Variants in CDKN3 observed in about 807,000 individuals in gnomAD.
The protein encoded by CDKN3 is cyclin dependent kinase inhibitor 3.
Under a neutral mutation model 36.1 loss-of-function variants are expected in CDKN3, and 19 were observed. The ratio of observed to expected loss-of-function variants is 0.53; its 90% CI spans 0.37 to 0.77. The LOEUF is 0.77. CDKN3 is among the 30% of genes least tolerant of loss of function. The pLI, the probability that CDKN3 is intolerant of heterozygous loss-of-function variation, is 0.00. For missense variants in CDKN3, 188 were observed against 248.6 expected, an observed-to-expected ratio of 0.76 and a Z score of 1.64; for synonymous variants, 71 against 85.3, an observed-to-expected ratio of 0.83 and a Z score of 0.92.
chr14:54,397,008 C>A lies in CDKN3; in HGVS notation c.-61C>A. ...GCGGGGCGCGGGCTCGGCCGGGGCA[C>A]CGGTGAGTCGCCGGCGCTGCAGAGG... On this transcript the variant is annotated 5_prime_UTR_variant, in exon 1 of 8. Transcript: ENST00000335183. 1 of 1,433,494 alleles carries A rather than the reference C, an allele frequency of 7.0e-7. No homozygotes were observed. 88.8% of individuals were successfully genotyped at this position (1,433,494 alleles called of 1,614,324 possible).
At chr14:54,399,586 G>A (rs1481928155) in intron 1 of CDKN3, among the ~76,000 whole-genome samples, 1 of 152,198 alleles carries the variant, frequency 6.6e-6, no homozygotes, top group East Asian at 1.9e-4. Flanking sequence ...TATAGTTGAG[G>A]AAAATCGAGA....
intron 3 of CDKN3, among the ~76,000 whole-genome samples, 179 bp downstream of exon 3, chr14:54,401,758 G>C (rs923534832): frequency 1.3e-5 from 2 of 152,136 alleles, no homozygotes; most frequent in African/African-American, 4.8e-5. Flanking sequence ...CCAATGTGAA[G>C]TCTTTTATCC....
chr14:54,399,461 GTC>G (rs1398200251), intron 1 of CDKN3, among the ~76,000 whole-genome samples: 1 of 152,112 alleles, frequency 6.6e-6, no homozygotes, highest in Non-Finnish European at 1.5e-5. Flanking sequence ...GCACACATCT[GTC>G]TCTCCAGCCA....
intron 5 of CDKN3, among the ~76,000 whole-genome samples, chr14:54,414,979 A>C (rs1425015239): frequency 6.6e-6 from 1 of 152,040 alleles, no homozygotes; most frequent in East Asian, 1.9e-4. Flanking sequence ...CTAAAGCAAA[A>C]TATATATCTA....
intron 5 of CDKN3, 23 bp from the exon 6 acceptor site, chr14:54,415,876 T>C (rs924132316): frequency 1.3e-6 from 2 of 1,584,708 alleles, no homozygotes; most frequent in Middle Eastern, 1.7e-4. Flanking sequence ...TGTACAAACT[T>C]CAAAACTGTA....
chr14:54,398,518 A>G (rs1048537482), intron 1 of CDKN3, among the ~76,000 whole-genome samples: 11 of 152,252 alleles, frequency 7.2e-5, no homozygotes, highest in African/African-American at 2.7e-4. Context: ...TTCTGGGGTG[A>G]ACAAGGGGCA....
rs2030353829 is a variant in CDKN3 at position 54,411,558 on chromosome 14, C to T, written c.268C>T (p.Pro90Ser). The change falls in exon 5 of 8, where the codon CCA (proline) becomes TCA (serine). Residue 90 changes from proline (P) to serine (S), a missense_variant. Physicochemically the swap from Pro to Ser is moderately conservative, Grantham distance 74. Transcript: ENST00000335183. ...AGGGGAACTGTCAAAATATAGAGTC[C>T]CAAACCTTCTGGATCTCTACCAGCA... Reference protein sequence around the residue: ...TRGELSKYRVPNLLDLYQQCG... With the variant: ...TRGELSKYRVSNLLDLYQQCG... 6.2e-7 allele frequency: 1 copy of T among 1,613,926 alleles called. No individual in the cohort carries two copies. Among genetic ancestry groups the T allele is most frequent in the African/African-American group, 1.3e-5 (1 of 74,900 alleles).
At chr14:54,416,054 AT>A in intron 6 of CDKN3, 124 bp downstream of exon 6, 1 of 739,196 alleles carries the variant, frequency 1.4e-6, no homozygotes, top group Non-Finnish European at 2.3e-6. Context: ...GACTCAAAGG[AT>A]TACTTAAGGC....
intron 7 of CDKN3, among the ~76,000 whole-genome samples, chr14:54,419,000 A>T (rs1362839276): frequency 1.3e-5 from 2 of 152,246 alleles, no homozygotes; most frequent in South Asian, 2.1e-4. Context: ...CCCTACTAAA[A>T]ATACAAAAAT....
At chr14:54,419,957 TAC>T in intron 7 of CDKN3, 33 bp from the exon 8 acceptor site, 1 of 1,246,550 alleles carries the variant, frequency 8.0e-7, no homozygotes, top group South Asian at 1.2e-5. Flanking sequence ...ACTAGTTTTC[TAC>T]AGTGTATTCC....
chr14:54,412,544 AAAAC>A (rs1216706772), intron 5 of CDKN3, among the ~76,000 whole-genome samples: 1 of 152,192 alleles, frequency 6.6e-6, no homozygotes, highest in Non-Finnish European at 1.5e-5. Context: ...AGTGGCTATA[AAAAC>A]ACAAGCTGCT....
intron 1 of CDKN3, 136 bp downstream of exon 1, chr14:54,397,213 G>A: frequency 9.5e-7 from 1 of 1,055,378 alleles, no homozygotes; most frequent in Non-Finnish European, 1.3e-6. Context: ...TGCGGGTCGG[G>A]GAGGTGACTC....
chr14:54,408,914 A>T, intron 4 of CDKN3, 125 bp downstream of exon 4: 2 of 1,283,110 alleles, frequency 1.6e-6, no homozygotes, highest in Non-Finnish European at 2.0e-6. Context: ...TATTGTGTGA[A>T]GTTCCAAACT....
intron 4 of CDKN3, among the ~76,000 whole-genome samples, chr14:54,409,886 G>A (rs1345557016): frequency 6.8e-6 from 1 of 146,218 alleles, no homozygotes; most frequent in Admixed American, 6.9e-5. Context: ...GCAAGACCCT[G>A]CCTCAAAAAA....
At chr14:54,413,648 C>T in intron 5 of CDKN3, 2 of 1,535,358 alleles carry the variant, frequency 1.3e-6, no homozygotes, top group Non-Finnish European at 8.7e-7. Flanking sequence ...ATTTTCTATC[C>T]ATTCTGCCAT....
At chr14:54,397,451 G>A (rs893359372) in intron 1 of CDKN3, among the ~76,000 whole-genome samples, 1 of 152,250 alleles carries the variant, frequency 6.6e-6, no homozygotes, top group Non-Finnish European at 1.5e-5. Flanking sequence ...CAGCCCCGAA[G>A]GGTGGCCGGG....
Position 54,417,857 on chromosome 14 carries a change from G to T in CDKN3, c.458G>T (p.Cys153Phe). Residue 153 changes from cysteine to phenylalanine, a missense_variant, in exon 7 of 8, where the codon TGT becomes TTT. Cys to Phe is a radical substitution (Grantham distance 205). Coordinates refer to ENST00000335183, the MANE Select transcript of CDKN3 (RefSeq NM_005192.4). ...GLGRSCLVAA[C>F]LLLYLSDTIS... ...TGTCATGTTCCATTAGTAGCTGCTTGTCTCCTACTATACCTGTCTGACACA... is the reference window on the plus strand; with the variant it reads ...TGTCATGTTCCATTAGTAGCTGCTTTTCTCCTACTATACCTGTCTGACACA... The T allele has an allele frequency of 6.3e-7, 1 of 1,581,884 alleles. No individual in the cohort carries two copies. Among genetic ancestry groups the T allele is most frequent in the Non-Finnish European group, 8.6e-7 (1 of 1,159,498 alleles).
intron 5 of CDKN3, 83 bp downstream of exon 5, chr14:54,411,789 C>T (rs2139981815): frequency 1.2e-6 from 1 of 854,474 alleles, no homozygotes; most frequent in East Asian, 2.6e-5. Flanking sequence ...ATTCAGTTAT[C>T]ACCTACTTCA....
intron 1 of CDKN3, among the ~76,000 whole-genome samples, chr14:54,398,485 A>G (rs989776817): frequency 6.6e-6 from 1 of 152,164 alleles, no homozygotes; most frequent in African/African-American, 2.4e-5. Flanking sequence ...GCCACCTGTG[A>G]CTGGGTGGAT....
Sources: allele counts gnomAD v4.1 joint callset (sites outside exome capture counted in the v4.1 genomes callset), GRCh38; gene constraint gnomAD v4.1.1; transcripts MANE v1.5; gene names NCBI Gene and HGNC (gene_info 2026-07-23, HGNC 2026-07-21).